TANC2: variants seen among roughly 807,000 people sequenced by gnomAD.
TANC2 encodes the protein protein TANC2.
A neutral mutation model predicts 210.5 loss-of-function variants in TANC2; 26 were observed. That is an observed-to-expected ratio of 0.12 (90% CI 0.09 to 0.17). The LOEUF (loss-of-function observed/expected upper bound fraction) is 0.17. TANC2 is among the 10% of genes least tolerant of loss of function. TANC2 has a pLI of 1.00. For synonymous variants in TANC2, 931 were observed against 967.1 expected (o/e 0.96, Z 0.69); for missense variants, 2,129 against 2,608.9 (o/e 0.82, Z 4.01).
At chr17:63,211,479 G>A in intron 7 of TANC2, among the ~76,000 whole-genome samples, 1 of 151,528 alleles carries the variant, frequency 6.6e-6, no homozygotes, top group East Asian at 1.9e-4. Context: ...CCCAACATTA[G>A]AGGAGATAAT....
At chr17:63,322,392 G>GAA (rs1314057913) in intron 11 of TANC2, among the ~76,000 whole-genome samples, 10 of 152,156 alleles carry the variant, frequency 6.6e-5, no homozygotes, top group Non-Finnish European at 8.8e-5. Context: ...CAGCTACTCG[G>GAA]GAGGCTGAGG....
At chr17:62,986,639 C>T (rs1207198006) in intron 1 of TANC2, among the ~76,000 whole-genome samples, 2 of 151,696 alleles carry the variant, frequency 1.3e-5, no homozygotes, top group Non-Finnish European at 2.9e-5. Flanking sequence ...AGGCGCATGA[C>T]TGTATGGCTA....
intron 5 of TANC2, among the ~76,000 whole-genome samples, chr17:63,163,289 T>C (rs2040090885): frequency 6.6e-6 from 1 of 152,112 alleles, no homozygotes; most frequent in African/African-American, 2.4e-5. Flanking sequence ...AATATAACTA[T>C]GGGAGTGGGT....
In TANC2 at chr17:63,095,941, T is replaced by C. The variant is rs375988150; in HGVS notation, c.140-3234T>C. 6.6e-5 allele frequency among the ~76,000 whole-genome samples: 10 copies of C among 152,332 alleles called. No homozygotes were observed. In the East Asian group the frequency reaches 1.7e-3, roughly 26 times the overall value. ...CAGTATTATTCCTTAAGGAGTGTTA[T>C]TAGTTTCTAAAATTATCAACTAATT... On this transcript the variant is annotated intron_variant, in intron 3 of 27. Coordinates refer to ENST00000689528, the Ensembl canonical transcript of TANC2.
intron 11 of TANC2, 114 bp downstream of exon 11, chr17:63,319,204 A>C (rs1227692187): frequency 1.9e-6 from 2 of 1,066,238 alleles, no homozygotes; most frequent in East Asian, 5.2e-5. Flanking sequence ...ATACCATGAG[A>C]ACGTGGAGGA....
exon 7 of TANC2, chr17:63,200,780 A>G (rs2041506745): frequency 1.9e-6 from 3 of 1,612,474 alleles, no homozygotes; most frequent in Admixed American, 1.7e-5. Context: ...GACCTCAGCA[A>G]TCACCCAGCG....
chr17:63,304,813 C>T (rs755347774), intron 9 of TANC2, among the ~76,000 whole-genome samples: 4 of 152,116 alleles, frequency 2.6e-5, no homozygotes, highest in African/African-American at 7.2e-5. Context: ...AGGGAGGCCC[C>T]GTGCAATGAG....
chr17:63,164,058 T>C (rs1259699557), intron 5 of TANC2, among the ~76,000 whole-genome samples: 1 of 152,116 alleles, frequency 6.6e-6, no homozygotes, highest in Non-Finnish European at 1.5e-5. Context: ...AACATTCCTT[T>C]CTGTGTTGAT....
chr17:63,354,833 A>G (rs747549851), exon 14 of TANC2: 1 of 1,607,164 alleles, frequency 6.2e-7, no homozygotes, highest in South Asian at 1.1e-5. Context: ...ATCGACTAGA[A>G]GAGAATGAAG....
At chr17:63,299,676 G>GTAT (rs1414203693) in intron 9 of TANC2, among the ~76,000 whole-genome samples, 1 of 151,712 alleles carries the variant, frequency 6.6e-6, no homozygotes, top group Non-Finnish European at 1.5e-5. Context: ...TAGATTCTGG[G>GTAT]TATTAGACTT....
chr17:63,099,409 A>G, intron 4 of TANC2, 52 bp downstream of exon 4: 4 of 1,329,272 alleles, frequency 3.0e-6, no homozygotes, highest in Non-Finnish European at 4.0e-6. Context: ...TAACGATATG[A>G]CACTTTAGGT....
chr17:63,032,189 C>G lies in TANC2; in HGVS notation c.67+22563C>G, dbSNP rs140727471. On this transcript the variant is annotated intron_variant, in intron 2 of 27. Transcript: ENST00000689528. ...ACAACTGAGTTTTGTATGTTATAGT[C>G]CAGGCACCCAGAGAAGGATACTGAT... Among the ~76,000 whole-genome samples, 45 of 152,238 alleles carry G rather than the reference C, an allele frequency of 3.0e-4. 1 individual carries two copies. In the East Asian group the frequency reaches 8.1e-3, roughly 27 times the overall value.
At chr17:63,089,434 G>A (rs1471828521) in intron 3 of TANC2, among the ~76,000 whole-genome samples, 1 of 152,170 alleles carries the variant, frequency 6.6e-6, no homozygotes, top group Non-Finnish European at 1.5e-5. Flanking sequence ...TGTGTGAATT[G>A]AGGGGGAAAG....
chr17:63,337,032 A>T (rs1421222241), intron 11 of TANC2, among the ~76,000 whole-genome samples: 2 of 152,204 alleles, frequency 1.3e-5, no homozygotes, highest in Non-Finnish European at 2.9e-5. Context: ...ATACAGAGGG[A>T]AAGTTATACG....
intron 1 of TANC2, chr17:63,004,724 G>T: frequency 6.2e-6 from 2 of 323,568 alleles, no homozygotes; most frequent in South Asian, 3.3e-5. Context: ...TGGTATCTCC[G>T]GCAGCTTCAG....
At chr17:63,143,060 T>A (rs1307588485) in intron 4 of TANC2, among the ~76,000 whole-genome samples, 1 of 152,150 alleles carries the variant, frequency 6.6e-6, no homozygotes, top group Non-Finnish European at 1.5e-5. Context: ...TCTGTGCACA[T>A]GGTAGGAACA....
intron 1 of TANC2, among the ~76,000 whole-genome samples, chr17:63,005,731 T>A (rs1037690831): frequency 6.6e-6 from 1 of 152,150 alleles, no homozygotes; most frequent in Admixed American, 6.5e-5. Flanking sequence ...TCTTTTCTTA[T>A]AATATCTGTA....
Position 63,158,433 on chromosome 17 carries a change from G to T in TANC2, c.433+7053G>T, listed in dbSNP as rs182663686. On this transcript the variant is annotated intron_variant, in intron 5 of 27. Coordinates refer to ENST00000689528, the Ensembl canonical transcript of TANC2. ...TAAGCAGAACATATGTTCCTGCAGCGCAGTGTTCAGGAAGAATTCTGTGGG... is the reference window on the plus strand; with the variant it reads ...TAAGCAGAACATATGTTCCTGCAGCTCAGTGTTCAGGAAGAATTCTGTGGG... Among the ~76,000 whole-genome samples the T allele has an allele frequency of 2.6e-5, 4 of 152,262 alleles. No individual in the cohort carries two copies. The South Asian group carries it at 6.2e-4, about 24-fold the overall frequency.
chr17:63,239,919 C>T (rs1567844391), intron 8 of TANC2, among the ~76,000 whole-genome samples: 1 of 151,960 alleles, frequency 6.6e-6, no homozygotes, highest in Non-Finnish European at 1.5e-5. Flanking sequence ...GGAGGAAGAG[C>T]AGGAGGAGGA....
Sources: gnomAD v4.1 joint callset for allele counts (sites outside exome capture counted in the v4.1 genomes callset) on GRCh38, gnomAD v4.1.1 for gene constraint, MANE v1.5 for transcripts, NCBI Gene and HGNC (gene_info 2026-07-23, HGNC 2026-07-21) for gene names.